Variants in PTPRD observed in about 807,000 individuals in gnomAD.
PTPRD encodes receptor-type tyrosine-protein phosphatase delta.
A neutral mutation model predicts 214.5 loss-of-function variants in PTPRD; 34 were observed. The ratio of observed to expected loss-of-function variants is 0.16; its 90% CI spans 0.12 to 0.21. The LOEUF (loss-of-function observed/expected upper bound fraction) is 0.21, where lower values mean the gene tolerates loss of function less well. PTPRD is among the 10% of genes least tolerant of loss of function. PTPRD has a pLI of 1.00. For missense variants in PTPRD, 2,545 were observed against 2,398.7 expected (o/e 1.06, Z -1.27); for synonymous variants, 1,128 against 845.7 (o/e 1.33, Z -5.79).
At chr9:10,566,563 T>A (rs1276534659) in intron 2 of PTPRD, among the ~76,000 whole-genome samples, 1 of 151,924 alleles carries the variant, frequency 6.6e-6, no homozygotes, top group Non-Finnish European at 1.5e-5. Flanking sequence ...TTTGTAGGAG[T>A]TCTATGTTCT....
intron 12 of PTPRD, among the ~76,000 whole-genome samples, chr9:8,681,553 C>T (rs569165595): frequency 6.6e-6 from 1 of 152,256 alleles, no homozygotes; most frequent in African/African-American, 2.4e-5. Flanking sequence ...TGTACCTCCT[C>T]CCCATCTCCA....
In PTPRD at chr9:9,779,843, T is replaced by C. The variant is rs528792118; in HGVS notation, c.-367-12992A>G. Among the ~76,000 whole-genome samples the C allele has an allele frequency of 4.3e-3, 654 of 152,262 alleles. 5 individuals carry two copies. The highest frequency in any genetic ancestry group is 0.027 in the South Asian group (129 of 4,828). Reference sequence around the variant, plus strand: ...TAGTTCAGCCACTTGGGGAAAGCAGTTTGGAGGTTTCTCAAAAAACTTAAA... The same window carrying C: ...TAGTTCAGCCACTTGGGGAAAGCAGCTTGGAGGTTTCTCAAAAAACTTAAA... On this transcript the variant is annotated intron_variant, in intron 5 of 45. Coordinates refer to ENST00000381196, the MANE Select transcript of PTPRD (RefSeq NM_002839.4).
intron 8 of PTPRD, among the ~76,000 whole-genome samples, chr9:9,560,410 CTA>C (rs1276439643): frequency 1.8e-4 from 28 of 152,238 alleles, no homozygotes; most frequent in Non-Finnish European, 2.9e-5. Flanking sequence ...TTACAAATGC[CTA>C]TCCGACTTTG....
chr9:8,558,564 T>C (rs1034610484), intron 14 of PTPRD, among the ~76,000 whole-genome samples: 1 of 152,212 alleles, frequency 6.6e-6, no homozygotes, highest in African/African-American at 2.4e-5. Flanking sequence ...TTTTCACATG[T>C]GTCAGATTTT....
At chr9:9,630,933 C>T (rs1440314966) in intron 7 of PTPRD, among the ~76,000 whole-genome samples, 1 of 151,708 alleles carries the variant, frequency 6.6e-6, no homozygotes, top group Non-Finnish European at 1.5e-5. Context: ...CATTAGAAAA[C>T]AAAAAGGATA....
At chr9:8,339,941 G>A (rs746588489) in intron 42 of PTPRD, among the ~76,000 whole-genome samples, 2 of 152,026 alleles carry the variant, frequency 1.3e-5, no homozygotes, top group African/African-American at 4.8e-5. Flanking sequence ...GGAGTGAAAG[G>A]TAGGCAAGTA....
chr9:9,158,886 A>C (rs2099883722), intron 10 of PTPRD, among the ~76,000 whole-genome samples: 1 of 152,230 alleles, frequency 6.6e-6, no homozygotes, highest in African/African-American at 2.4e-5. Context: ...TATCCTTGGG[A>C]CGCAAGTATG....
At chr9:9,878,625 G>A (rs1341039567) in intron 5 of PTPRD, among the ~76,000 whole-genome samples, 2 of 152,128 alleles carry the variant, frequency 1.3e-5, no homozygotes, top group Admixed American at 6.6e-5. Flanking sequence ...TACATTGCTG[G>A]ATGAATGATA....
intron 30 of PTPRD, among the ~76,000 whole-genome samples, chr9:8,471,448 G>C (rs569722946): frequency 2.6e-5 from 4 of 152,040 alleles, no homozygotes; most frequent in African/African-American, 9.7e-5. Flanking sequence ...TCTATGACAT[G>C]AATTTATAAG....
chr9:10,249,117 A>G (rs1230205224), intron 3 of PTPRD, among the ~76,000 whole-genome samples: 2 of 152,128 alleles, frequency 1.3e-5, no homozygotes, highest in Admixed American at 6.6e-5. Flanking sequence ...AAAATCTTCA[A>G]CACCAGGTAA....
intron 9 of PTPRD, among the ~76,000 whole-genome samples, chr9:9,319,470 G>A (rs572398136): frequency 6.6e-6 from 1 of 152,200 alleles, no homozygotes; most frequent in Non-Finnish European, 1.5e-5. Flanking sequence ...AACATTTTGT[G>A]CCAAAGTGAC....
At chr9:9,658,629 T>C (rs1287457014) in intron 7 of PTPRD, among the ~76,000 whole-genome samples, 1 of 152,112 alleles carries the variant, frequency 6.6e-6, no homozygotes, top group African/African-American at 2.4e-5. Flanking sequence ...GCAGAGAAGG[T>C]TATATGCTAT....
At chr9:10,041,785 T>A (rs759167660) in intron 3 of PTPRD, among the ~76,000 whole-genome samples, 1 of 152,010 alleles carries the variant, frequency 6.6e-6, no homozygotes, top group East Asian at 1.9e-4. Context: ...AAAGAAAAAA[T>A]TCATTTCTTA....
intron 5 of PTPRD, among the ~76,000 whole-genome samples, chr9:9,819,610 C>T (rs2050009704): frequency 6.6e-6 from 1 of 152,052 alleles, no homozygotes; most frequent in African/African-American, 2.4e-5. Flanking sequence ...ATCCTATCAC[C>T]CAGGTACTGA....
chr9:10,420,148 T>G (rs2098532522), intron 2 of PTPRD, among the ~76,000 whole-genome samples: 1 of 151,850 alleles, frequency 6.6e-6, no homozygotes, highest in African/African-American at 2.4e-5. Context: ...GGAAAAGGAT[T>G]AGAAGCTATC....
At chr9:9,399,612 G>A (rs1049708489) in intron 8 of PTPRD, among the ~76,000 whole-genome samples, 5 of 151,980 alleles carry the variant, frequency 3.3e-5, no homozygotes, top group African/African-American at 1.2e-4. Context: ...ACATATTGTG[G>A]TAGAGATCCA....
At chr9:10,429,631 T>G (rs1020307625) in intron 2 of PTPRD, among the ~76,000 whole-genome samples, 6 of 151,586 alleles carry the variant, frequency 4.0e-5, no homozygotes, top group African/African-American at 1.5e-4. Flanking sequence ...AAAAATGTGT[T>G]CACATAGGCA....
intron 11 of PTPRD, among the ~76,000 whole-genome samples, chr9:8,933,457 G>GTAA (rs1238532793): frequency 6.7e-6 from 1 of 149,196 alleles, no homozygotes; most frequent in Non-Finnish European, 1.5e-5. Context: ...TAAAGGGATT[G>GTAA]GCTGTAGCTT....
intron 21 of PTPRD, among the ~76,000 whole-genome samples, chr9:8,511,202 G>A (rs935297488): frequency 1.3e-5 from 2 of 152,094 alleles, no homozygotes; most frequent in Non-Finnish European, 2.9e-5. Flanking sequence ...CTGAGTAGCT[G>A]AGAGTACAGG....
Sources: allele counts gnomAD v4.1 joint callset (sites outside exome capture counted in the v4.1 genomes callset), GRCh38; gene constraint gnomAD v4.1.1; transcripts MANE v1.5; gene names NCBI Gene and HGNC (gene_info 2026-07-23, HGNC 2026-07-21).